The following PRKN variants were observed in gnomAD, a reference collection of about 807,000 sequenced individuals.
PRKN encodes the protein parkin RBR E3 ubiquitin protein ligase.
In PRKN, 56 loss-of-function variants were observed where a neutral mutation model predicts 59.5. The ratio of observed to expected loss-of-function variants is 0.94; its 90% CI spans 0.76 to 1.18. The LOEUF (loss-of-function observed/expected upper bound fraction) is 1.18, where lower values mean the gene tolerates loss of function less well. PRKN is among the 50% of genes most tolerant of loss of function. The pLI, the probability that PRKN is intolerant of heterozygous loss-of-function variation, is 0.00. For missense variants in PRKN, 657 were observed against 596.4 expected (o/e 1.10, Z -1.06); for synonymous variants, 250 against 222.1 (o/e 1.13, Z -1.12).
At position 161,578,869 on chromosome 6, in the gene PRKN, T is replaced by A. The variant is rs185539086; in HGVS notation, c.872-9453A>T. Among the ~76,000 whole-genome samples, 3 of 152,266 alleles carry A rather than the reference T, an allele frequency of 2.0e-5. No homozygotes were observed. Among genetic ancestry groups the A allele is most frequent in the Non-Finnish European group, 4.4e-5 (3 of 68,040 alleles). ...ACTTAAATATTTTGAATTGTGTGTATATTCTTGGCGCTTTGCCTTCACCTT... is the reference window on the plus strand; with the variant it reads ...ACTTAAATATTTTGAATTGTGTGTAAATTCTTGGCGCTTTGCCTTCACCTT... On this transcript the variant is annotated intron_variant, in intron 7 of 11. Transcript: ENST00000366898. This position sits in a 1 kb window ranked among gnomAD's most constrained non-coding sequence, Gnocchi z 4.2.
intron 7 of PRKN, among the ~76,000 whole-genome samples, chr6:161,670,479 G>T (rs1160738854): frequency 6.6e-6 from 1 of 152,090 alleles, no homozygotes; most frequent in Non-Finnish European, 1.5e-5. Flanking sequence ...GTATGCATGT[G>T]AGTCTCCTCT....
At chr6:162,480,248 T>A (rs1013240892) in intron 1 of PRKN, among the ~76,000 whole-genome samples, 3 of 152,128 alleles carry the variant, frequency 2.0e-5, no homozygotes, top group Non-Finnish European at 2.9e-5. Flanking sequence ...TGTACTAGGA[T>A]GTTACCATGG....
At chr6:161,891,615 T>C (rs947628060) in intron 6 of PRKN, among the ~76,000 whole-genome samples, 1 of 152,168 alleles carries the variant, frequency 6.6e-6, no homozygotes, top group Non-Finnish European at 1.5e-5. Context: ...CTCTACACCC[T>C]AAACATTCCT....
intron 6 of PRKN, among the ~76,000 whole-genome samples, chr6:161,880,334 T>G (rs1794885754): frequency 6.6e-6 from 1 of 152,162 alleles, no homozygotes; most frequent in Admixed American, 6.6e-5. Context: ...CCTCACATAA[T>G]TATATTTTGA....
At chr6:161,782,081 C>T (rs139689128) in intron 7 of PRKN, among the ~76,000 whole-genome samples, 201 of 152,242 alleles carry the variant, frequency 1.3e-3, no homozygotes, top group Non-Finnish European at 1.6e-3. Context: ...CCCAGTAATA[C>T]TCTGACAACA....
chr6:161,947,397 A>C (rs1411301225), intron 6 of PRKN, among the ~76,000 whole-genome samples: 2 of 152,218 alleles, frequency 1.3e-5, no homozygotes, highest in African/African-American at 4.8e-5. Flanking sequence ...GCCTTTTCTT[A>C]AAAATGGTCA....
intron 9 of PRKN, among the ~76,000 whole-genome samples, chr6:161,403,916 G>A (rs1218904514): frequency 6.6e-6 from 1 of 152,060 alleles, no homozygotes; most frequent in Non-Finnish European, 1.5e-5. Context: ...GATGATCCTG[G>A]CCAGATGCCA....
chr6:162,142,357 C>G (rs1781825007), intron 4 of PRKN, among the ~76,000 whole-genome samples: 1 of 152,128 alleles, frequency 6.6e-6, no homozygotes, highest in African/African-American at 2.4e-5. Context: ...CTGTCTCTGC[C>G]AGGTACTTGA....
At chr6:162,324,146 T>A (rs1214472860) in intron 2 of PRKN, among the ~76,000 whole-genome samples, 1 of 152,004 alleles carries the variant, frequency 6.6e-6, no homozygotes, top group Non-Finnish European at 1.5e-5. Flanking sequence ...CATGAAAAAA[T>A]TTTAAAATAA....
chr6:162,612,051 G>C (rs918799932), intron 1 of PRKN, among the ~76,000 whole-genome samples: 8 of 151,452 alleles, frequency 5.3e-5, no homozygotes, highest in African/African-American at 7.3e-5. Flanking sequence ...AAATTAGCTG[G>C]GCGTGGTGGC....
intron 4 of PRKN, among the ~76,000 whole-genome samples, chr6:162,151,049 C>G (rs1782248992): frequency 6.6e-6 from 1 of 152,152 alleles, no homozygotes; most frequent in Admixed American, 6.5e-5. Flanking sequence ...GCAATAAAGA[C>G]AGCAGGGACG....
At chr6:162,025,527 T>C (rs1783397342) in intron 5 of PRKN, among the ~76,000 whole-genome samples, 1 of 149,508 alleles carries the variant, frequency 6.7e-6, no homozygotes, top group Admixed American at 6.7e-5. Context: ...GTGTCAACTT[T>C]TTAAGGAAAC....
chr6:161,548,738 A>G lies in PRKN; in HGVS notation c.1083+116T>C. 1.0e-6 allele frequency: 1 copy of G among 961,488 alleles called. No individual in the cohort carries two copies. Among genetic ancestry groups the G allele is most frequent in the Non-Finnish European group, 1.6e-6 (1 of 622,234 alleles). 59.6% of individuals were successfully genotyped at this position (961,488 alleles called of 1,614,324 possible). ...AATCTATTTTCTTATATGTAAGTTCAAAGATGTCTAAGTCCAAAGGGAAAA... is the reference window on the plus strand; with the variant it reads ...AATCTATTTTCTTATATGTAAGTTCGAAGATGTCTAAGTCCAAAGGGAAAA... On this transcript the variant is annotated intron_variant, in intron 9 of 11. Transcript: ENST00000366898. The surrounding 1 kb of genome is among the most constrained non-coding windows in gnomAD (Gnocchi z 4.2).
At chr6:162,186,830 C>T (rs1190082929) in intron 4 of PRKN, among the ~76,000 whole-genome samples, 1 of 152,174 alleles carries the variant, frequency 6.6e-6, no homozygotes, top group Non-Finnish European at 1.5e-5. Flanking sequence ...CTGGAAGCTT[C>T]CTGAGGTCTC....
At chr6:162,141,020 C>A (rs1361566125) in intron 4 of PRKN, among the ~76,000 whole-genome samples, 1 of 151,986 alleles carries the variant, frequency 6.6e-6, no homozygotes, top group Admixed American at 6.6e-5. Context: ...GTCCCAGCTA[C>A]TTCGGAGGCT....
At chr6:161,476,389 C>T (rs1401368475) in intron 9 of PRKN, among the ~76,000 whole-genome samples, 1 of 152,076 alleles carries the variant, frequency 6.6e-6, no homozygotes, top group Non-Finnish European at 1.5e-5. Flanking sequence ...TTAGTAACTT[C>T]CCCCCGAAGC....
chr6:162,427,162 C>A (rs915966665), intron 2 of PRKN, among the ~76,000 whole-genome samples: 3 of 152,078 alleles, frequency 2.0e-5, no homozygotes, highest in Non-Finnish European at 4.4e-5. Flanking sequence ...AAGTTTACAC[C>A]AGTCAGGCTC....
intron 7 of PRKN, among the ~76,000 whole-genome samples, chr6:161,759,989 T>C (rs1021116783): frequency 6.6e-6 from 1 of 151,912 alleles, no homozygotes; most frequent in East Asian, 2.0e-4. Context: ...ATGCAACCGA[T>C]TGAACCACAA....
intron 1 of PRKN, among the ~76,000 whole-genome samples, chr6:162,638,739 C>CTTTTTT (rs370517141): frequency 1.0e-5 from 1 of 99,660 alleles, no homozygotes; most frequent in Non-Finnish European, 1.9e-5. Flanking sequence ...CTAACTATCC[C>CTTTTTT]TTTTTTTTTT....
Sources: allele counts gnomAD v4.1 joint callset (sites outside exome capture counted in the v4.1 genomes callset), GRCh38; gene constraint gnomAD v4.1.1; non-coding constraint Gnocchi (gnomAD v3.1); transcripts MANE v1.5; gene names NCBI Gene and HGNC (gene_info 2026-07-23, HGNC 2026-07-21).